Variants in PRSS55 observed in about 807,000 individuals in gnomAD.
PRSS55 encodes the protein serine protease 55.
Under a neutral mutation model 23.6 loss-of-function variants are expected in PRSS55, and 41 were observed. The observed-to-expected ratio is 1.74, with a 90% CI of 1.35 to 2.26. The LOEUF (loss-of-function observed/expected upper bound fraction) is 2.26, where lower values mean the gene tolerates loss of function less well. Among genes scored for constraint, PRSS55 ranks in the 30% most tolerant of loss-of-function variants. The pLI is 0.00. For missense variants in PRSS55, 669 were observed against 439.1 expected (o/e 1.52, Z -4.68); for synonymous variants, 262 against 175.5 (o/e 1.49, Z -3.90).
intron 4 of PRSS55, among the ~76,000 whole-genome samples, chr8:10,536,817 A>G (rs1812471618): frequency 1.3e-5 from 2 of 152,216 alleles, no homozygotes; most frequent in African/African-American, 4.8e-5. Context: ...TAAATGTTGA[A>G]TACACATGGA....
chr8:10,541,302 G>C (rs10091829), downstream of PRSS55: 10,861 of 152,304 alleles, frequency 0.071, 1,320 homozygotes, highest in African/African-American at 0.24. Context: ...GGTAAACTGT[G>C]ACGAAGCAGA....
At chr8:10,531,105 CTGTTT>C (rs36228433) in intron 2 of PRSS55, among the ~76,000 whole-genome samples, 185 bp from the exon 3 acceptor site, 107,756 of 150,492 alleles carry the variant, frequency 0.72, 38,625 homozygotes, top group African/African-American at 0.76. Context: ...ACCAGCTATT[CTGTTT>C]TGTTTTGTTT....
intron 4 of PRSS55, among the ~76,000 whole-genome samples, chr8:10,546,377 G>A (rs905390309): frequency 5.3e-5 from 8 of 152,196 alleles, no homozygotes; most frequent in Admixed American, 4.6e-4. Flanking sequence ...AACCCTCAGC[G>A]CTAGCCAGTT....
chr8:10,533,404 G>T (rs1812342844), intron 4 of PRSS55, among the ~76,000 whole-genome samples: 1 of 152,120 alleles, frequency 6.6e-6, no homozygotes, highest in African/African-American at 2.4e-5. Context: ...AGAAACCTTT[G>T]TTGAGCATAC....
intron 2 of PRSS55, among the ~76,000 whole-genome samples, chr8:10,530,275 G>C (rs1812204115): frequency 6.6e-6 from 1 of 152,136 alleles, no homozygotes; most frequent in South Asian, 2.1e-4. Flanking sequence ...AGGAGTTCGA[G>C]ACTGGCCTGG....
At chr8:10,538,957 T>C (rs1812556931), downstream of PRSS55, 1 of 597,864 alleles carries the variant, frequency 1.7e-6, no homozygotes, top group Non-Finnish European at 2.7e-6. Flanking sequence ...GCACTTTGGG[T>C]CTGTGGATTA....
chr8:10,531,380 C>G lies in PRSS55; in HGVS notation c.433C>G (p.His145Asp), dbSNP rs1812254672. The change falls in exon 3 of 5, where the codon CAC becomes GAC. Residue 145 changes from histidine (H) to aspartate (D), a missense_variant. By Grantham distance (81) the His-to-Asp change is moderately conservative. Transcript: ENST00000328655. ...AAAGGAGGTCGCCAGCATCATTCTT[C>G]ACAAAGACTTTAAGAGAGCCAACAT... ...EIKEVASIIL[H>D]KDFKRANMDN... The G allele has an allele frequency of 6.2e-7, 1 of 1,614,126 alleles. No homozygotes were observed. The highest frequency in any genetic ancestry group is 1.3e-5 in the African/African-American group (1 of 74,954).
chr8:10,550,329 G>C (rs1007329077), intron 4 of PRSS55, among the ~76,000 whole-genome samples: 1 of 152,198 alleles, frequency 6.6e-6, no homozygotes, highest in Non-Finnish European at 1.5e-5. Flanking sequence ...TGAAATGCAA[G>C]GCTGGTTATG....
downstream of PRSS55, among the ~76,000 whole-genome samples, chr8:10,543,430 TC>T (rs1271260536): frequency 0.016 from 306 of 18,662 alleles, 5 homozygotes; most frequent in Middle Eastern, 0.13. Context: ...CTTTCTTCCT[TC>T]CTTCCTTCCT....
At position 10,525,707 on chromosome 8, in the gene PRSS55, C is replaced by T. The variant is rs1324747872; in HGVS notation, c.122C>T (p.Pro41Leu). 1 of 1,612,452 alleles carries T rather than the reference C, an allele frequency of 6.2e-7. No individual in the cohort carries two copies. Among genetic ancestry groups the T allele is most frequent in the Admixed American group, 1.7e-5 (1 of 59,728 alleles). The stretch of plus-strand genomic sequence containing the variant: ...GGCAGGGCTAGGGGAGCCCACCGCC[C>T]TCAGCCCCCTCATCCCCCCAGCCCA... Reference protein sequence around the residue: ...ILGRARGAHRPQPPHPPSPVS... With the variant: ...ILGRARGAHRLQPPHPPSPVS... The change falls in exon 1 of 5, where the codon CCT (proline) becomes CTT (leucine). Residue 41 changes from proline (P) to leucine (L), a missense_variant. Pro to Leu is a moderately conservative substitution (Grantham distance 98). Transcript: ENST00000328655.
chr8:10,528,138 G>T (rs1240163440), intron 1 of PRSS55, among the ~76,000 whole-genome samples: 1 of 151,196 alleles, frequency 6.6e-6, no homozygotes. Context: ...GGCAGAGGTT[G>T]CAGTGAGCCG....
intron 4 of PRSS55, among the ~76,000 whole-genome samples, chr8:10,552,183 T>A (rs1404557178): frequency 6.6e-6 from 1 of 152,168 alleles, no homozygotes; most frequent in African/African-American, 2.4e-5. Context: ...CTGGGATCCA[T>A]TTGACTGAAA....
intron 3 of PRSS55, among the ~76,000 whole-genome samples, chr8:10,532,671 G>C (rs117108933): frequency 2.0e-4 from 30 of 152,362 alleles, no homozygotes; most frequent in Non-Finnish European, 4.0e-4. Flanking sequence ...AAGTCTTCTT[G>C]GGAGTAGAAA....
chr8:10,531,509 G>C lies in PRSS55; in HGVS notation c.562G>C (p.Glu188Gln), dbSNP rs569722097. The change falls in exon 3 of 5, where the codon GAA (glutamate) becomes CAA (glutamine). Residue 188 changes from glutamate (E) to glutamine (Q), a missense_variant. By Grantham distance (29) the Glu-to-Gln change is conservative. Transcript: ENST00000328655. ...GCAGCCCGGCCCTGCCACATGGCGC[G>C]AATGCTGGGTGGCAGGTTGGGGCCA... ...PTQPGPATWR[E>Q]CWVAGWGQTN... 6.2e-7 allele frequency: 1 copy of C among 1,613,854 alleles called. No individual in the cohort carries two copies. The highest frequency in any genetic ancestry group is 1.7e-5 in the Admixed American group (1 of 60,032).
At chr8:10,528,399 G>A (rs1812113868) in intron 1 of PRSS55, among the ~76,000 whole-genome samples, 1 of 152,184 alleles carries the variant, frequency 6.6e-6, no homozygotes, top group Non-Finnish European at 1.5e-5. Flanking sequence ...AAAGAGACAA[G>A]ATTAGGGTCT....
At chr8:10,541,865 C>T (rs538208024), downstream of PRSS55, among the ~76,000 whole-genome samples, 26 of 152,308 alleles carry the variant, frequency 1.7e-4, no homozygotes, top group African/African-American at 5.8e-4. Context: ...ATCCTCCCAA[C>T]TCAGCCTCTC....
chr8:10,542,110 G>T (rs529869101), downstream of PRSS55, among the ~76,000 whole-genome samples: 1 of 152,312 alleles, frequency 6.6e-6, no homozygotes, highest in Non-Finnish European at 1.5e-5. Flanking sequence ...GTTTTGTCAT[G>T]ATATGGAAAT....
intron 4 of PRSS55, among the ~76,000 whole-genome samples, chr8:10,536,240 A>T (rs527390295): frequency 4.3e-4 from 66 of 152,320 alleles, no homozygotes; most frequent in African/African-American, 1.6e-3. Context: ...ACATGCAGCC[A>T]ACAAGCATAT....
downstream of PRSS55, among the ~76,000 whole-genome samples, chr8:10,542,222 G>A (rs1022446906): frequency 6.6e-5 from 10 of 152,142 alleles, no homozygotes; most frequent in African/African-American, 2.4e-4. Flanking sequence ...ACAGTGTAGT[G>A]TGTAAACTGC....
Sources: gnomAD v4.1 joint callset for allele counts (sites outside exome capture counted in the v4.1 genomes callset) on GRCh38, gnomAD v4.1.1 for gene constraint, MANE v1.5 for transcripts, NCBI Gene and HGNC (gene_info 2026-07-23, HGNC 2026-07-21) for gene names.